Variants in SNTG1 observed in about 807,000 individuals in gnomAD.
SNTG1 encodes the protein syntrophin gamma 1, also known as gamma-1-syntrophin.
In SNTG1, 39 loss-of-function variants were observed where a neutral mutation model predicts 74.7. The observed-to-expected ratio is 0.52, with a 90% CI of 0.40 to 0.68. SNTG1 has a LOEUF of 0.68. SNTG1 is among the 30% of genes least tolerant of loss of function. The probability of loss-of-function intolerance (pLI) is 0.00; values close to 1 mark genes in which losing one functional copy is unlikely to be tolerated. For missense variants in SNTG1, 685 were observed against 609.5 expected (o/e 1.12, Z -1.30); for synonymous variants, 254 against 217.1 (o/e 1.17, Z -1.49).
chr8:50,757,706 A>C lies in SNTG1; in HGVS notation c.1395+5595A>C, dbSNP rs13272612. 4.0e-3 allele frequency among the ~76,000 whole-genome samples: 603 copies of C among 152,080 alleles called. 4 individuals are homozygous for C. Among genetic ancestry groups the C allele is most frequent in the Non-Finnish European group, 5.1e-3 (346 of 67,910 alleles). On this transcript the variant is annotated intron_variant, in intron 18 of 18. Coordinates refer to ENST00000642720, the MANE Select transcript of SNTG1 (RefSeq NM_018967.5). ...TTTTGATACAGTTGGATGAATATCC[A>C]CAATATTTCTTATCCTTGTGAATTT...
At chr8:50,587,221 T>C (rs1016425271) in intron 12 of SNTG1, among the ~76,000 whole-genome samples, 9 of 151,680 alleles carry the variant, frequency 5.9e-5, no homozygotes, top group African/African-American at 1.9e-4. Flanking sequence ...TATATACATA[T>C]ATGTAGGTAT....
intron 1 of SNTG1, among the ~76,000 whole-genome samples, chr8:50,106,283 A>G (rs2080368033): frequency 6.6e-6 from 1 of 152,102 alleles, no homozygotes; most frequent in Non-Finnish European, 1.5e-5. Context: ...AGTTTTAAAT[A>G]ATCAGATCTC....
At chr8:50,466,017 T>C (rs1319817378) in intron 8 of SNTG1, among the ~76,000 whole-genome samples, 1 of 152,118 alleles carries the variant, frequency 6.6e-6, no homozygotes, top group Non-Finnish European at 1.5e-5. Flanking sequence ...GCCAAACTGT[T>C]TTCCAAAGTG....
At chr8:50,622,480 A>T (rs144060110) in intron 13 of SNTG1, among the ~76,000 whole-genome samples, 48 of 152,212 alleles carry the variant, frequency 3.2e-4, no homozygotes, top group African/African-American at 8.7e-4. Flanking sequence ...TATGATATGT[A>T]TTTTGTCCTT....
At chr8:50,323,786 G>A (rs1340283045) in intron 2 of SNTG1, among the ~76,000 whole-genome samples, 1 of 152,064 alleles carries the variant, frequency 6.6e-6, no homozygotes, top group Non-Finnish European at 1.5e-5. Context: ...TTATCTTCAG[G>A]GTGGCAAGAT....
intron 1 of SNTG1, among the ~76,000 whole-genome samples, chr8:49,964,127 T>C (rs185508742): frequency 6.6e-6 from 1 of 152,342 alleles, no homozygotes; most frequent in Admixed American, 6.5e-5. Context: ...AACATTATTC[T>C]AGATGTTCCT....
intron 8 of SNTG1, among the ~76,000 whole-genome samples, chr8:50,496,360 G>T (rs1422742339): frequency 6.6e-6 from 1 of 152,128 alleles, no homozygotes; most frequent in East Asian, 1.9e-4. Flanking sequence ...GTGAAGGGAG[G>T]TGTGTGCGTG....
intron 5 of SNTG1, among the ~76,000 whole-genome samples, chr8:50,445,866 A>T (rs1563397450): frequency 6.6e-6 from 1 of 152,212 alleles, no homozygotes; most frequent in Non-Finnish European, 1.5e-5. Flanking sequence ...AATTGTTACC[A>T]GAATAAATGT....
At chr8:50,712,193 A>T (rs1478125044) in intron 17 of SNTG1, among the ~76,000 whole-genome samples, 1 of 152,176 alleles carries the variant, frequency 6.6e-6, no homozygotes, top group Non-Finnish European at 1.5e-5. Flanking sequence ...GGAGACAAGG[A>T]GGATGAAACT....
chr8:50,402,459 G>A (rs2092819184), intron 4 of SNTG1, 115 bp downstream of exon 4: 1 of 1,284,210 alleles, frequency 7.8e-7, no homozygotes, highest in Admixed American at 2.6e-5. Context: ...CAATGGTTCT[G>A]CATGGAATTT....
chr8:50,651,882 T>G (rs764369278), intron 13 of SNTG1, among the ~76,000 whole-genome samples: 3 of 151,474 alleles, frequency 2.0e-5, no homozygotes, highest in Non-Finnish European at 4.4e-5. Flanking sequence ...CAGGTTCAAG[T>G]GATTCTCTGT....
At chr8:50,518,444 A>G (rs1398237105) in intron 9 of SNTG1, among the ~76,000 whole-genome samples, 1 of 152,172 alleles carries the variant, frequency 6.6e-6, no homozygotes, top group Non-Finnish European at 1.5e-5. Flanking sequence ...GAAGACAAGA[A>G]ATAACTAAGA....
At chr8:50,596,986 C>T (rs2094731685) in intron 13 of SNTG1, among the ~76,000 whole-genome samples, 3 of 151,938 alleles carry the variant, frequency 2.0e-5, no homozygotes, top group Admixed American at 2.0e-4. Context: ...AGTTACCCTA[C>T]TGTGTAATAG....
intron 2 of SNTG1, among the ~76,000 whole-genome samples, chr8:50,191,250 T>A (rs559288000): frequency 2.9e-5 from 4 of 139,494 alleles, no homozygotes; most frequent in African/African-American, 1.1e-4. Context: ...TACAGCCATT[T>A]GGTAATGGTA....
chr8:50,723,727 G>A (rs2095493172), intron 17 of SNTG1, among the ~76,000 whole-genome samples: 1 of 152,066 alleles, frequency 6.6e-6, no homozygotes, highest in African/African-American at 2.4e-5. Context: ...TAGACTGACT[G>A]GAAGCTCTCA....
chr8:50,203,586 T>C (rs1275007487), intron 2 of SNTG1, among the ~76,000 whole-genome samples: 1 of 152,158 alleles, frequency 6.6e-6, no homozygotes, highest in African/African-American at 2.4e-5. Context: ...TAGTGGTTGT[T>C]CTTTGTGTGC....
chr8:50,639,463 G>A (rs2095058802), intron 13 of SNTG1, among the ~76,000 whole-genome samples: 2 of 151,724 alleles, frequency 1.3e-5, no homozygotes, highest in Admixed American at 1.3e-4. Flanking sequence ...TGCCATTTTA[G>A]CAGTATAAAT....
intron 13 of SNTG1, among the ~76,000 whole-genome samples, chr8:50,635,987 C>T (rs1205815930): frequency 6.6e-6 from 1 of 151,834 alleles, no homozygotes; most frequent in African/African-American, 2.4e-5. Context: ...TCCAAGGGCT[C>T]TTTAATGAGC....
At chr8:50,606,104 G>A (rs2094810361) in intron 13 of SNTG1, among the ~76,000 whole-genome samples, 1 of 151,948 alleles carries the variant, frequency 6.6e-6, no homozygotes, top group Non-Finnish European at 1.5e-5. Flanking sequence ...TTGTTGTTGT[G>A]TCCTTGTTTT....
Sources: gnomAD v4.1 joint callset for allele counts (sites outside exome capture counted in the v4.1 genomes callset) on GRCh38, gnomAD v4.1.1 for gene constraint, MANE v1.5 for transcripts, NCBI Gene and HGNC (gene_info 2026-07-23, HGNC 2026-07-21) for gene names.